ATP6V1E1: variants seen among roughly 807,000 people sequenced by gnomAD.
ATP6V1E1 encodes the protein V-type proton ATPase subunit E 1.
ATP6V1E1 carries 21 observed loss-of-function variants against 35.2 expected under a neutral mutation model. That is an observed-to-expected ratio of 0.60 (90% CI 0.42 to 0.86). The LOEUF (loss-of-function observed/expected upper bound fraction) is 0.86, where lower values mean the gene tolerates loss of function less well. Ranked by LOEUF, ATP6V1E1 falls within the 40% of genes least tolerant of loss-of-function variation. ATP6V1E1 has a pLI of 0.00. For synonymous variants in ATP6V1E1, 83 were observed against 87.8 expected (o/e 0.95, Z 0.30); for missense variants, 183 against 272.6 (o/e 0.67, Z 2.32).
chr22:17,598,049 C>T (rs1016619586), intron 7 of ATP6V1E1, 145 bp downstream of exon 7: 45 of 655,260 alleles, frequency 6.9e-5, no homozygotes, highest in African/African-American at 2.4e-4. Flanking sequence ...ACAACAGGAA[C>T]GGCTGCAAGT....
At chr22:17,600,394 G>C (rs183981371) in intron 5 of ATP6V1E1, among the ~76,000 whole-genome samples, 72 of 152,194 alleles carry the variant, frequency 4.7e-4, no homozygotes, top group African/African-American at 1.7e-3. Flanking sequence ...CAGAGATGAT[G>C]TCAATGCACT....
intron 1 of ATP6V1E1, among the ~76,000 whole-genome samples, chr22:17,627,356 T>C (rs1361565740): frequency 1.3e-5 from 2 of 151,120 alleles, no homozygotes. Flanking sequence ...CTCGAACTCC[T>C]GACCTCAGGT....
At position 17,592,800 on chromosome 22, in the gene ATP6V1E1, C is replaced by CTTTT. The variant is rs150344720; in HGVS notation, c.619-68_619-65dup. The CTTTT allele has an allele frequency of 3.8e-3, 2,772 of 720,404 alleles. 84 individuals are homozygous for CTTTT. The African/African-American group carries it at 0.054, about 14-fold the overall frequency. 44.6% of individuals were successfully genotyped at this position (720,404 alleles called of 1,614,324 possible). A position where few individuals can be genotyped will look rare whatever the true frequency, so the allele number is the denominator to read the frequency against. On this transcript the variant is annotated intron_variant, in intron 8 of 8. Transcript: ENST00000253413. ...GAAGAAGTTGTAGAGCGCTGCACAT[C>CTTTT]TTTTTTTTTTTTTTTTTTTTGAGAC...
rs2057708163 is a variant in ATP6V1E1 at position 17,592,521 on chromosome 22, C to T, written c.*153G>A. 33 of 778,802 alleles carry T rather than the reference C, an allele frequency of 4.2e-5. No homozygotes were observed. The South Asian group carries it at 5.0e-4, about 12-fold the overall frequency. 48.2% of individuals were successfully genotyped at this position (778,802 alleles called of 1,614,324 possible). On this transcript the variant is annotated 3_prime_UTR_variant, in exon 9 of 9. Transcript: ENST00000253413. ...CTTTCCACCATTGTGAACAATTAGG[C>T]AAGGCATGAGTGACAGAGGGGCATC... is the stretch of plus-strand genomic sequence containing the variant.
rs781108918 is a variant in ATP6V1E1, at chr22:17,598,228, G to T, written c.496C>A (p.Gln166Lys). The T allele has an allele frequency of 6.2e-7, 1 of 1,613,988 alleles. No homozygotes were observed. Among genetic ancestry groups the T allele is most frequent in the South Asian group, 1.1e-5 (1 of 91,076 alleles). Residue 166 changes from glutamine to lysine, a missense_variant, in exon 7 of 9, where the codon CAA becomes AAA. Physicochemically the swap from Gln to Lys is moderately conservative, Grantham distance 53 (BLOSUM62 1). Coordinates refer to ENST00000253413, the MANE Select transcript of ATP6V1E1 (RefSeq NM_001696.4). ...KIATKNDVDV[Q>K]IDQESYLPED... is the part of the protein sequence containing the mutation. ...GGCAGGTAGGACTCCTGGTCAATTT[G>T]GACATCAACATCGTTTTTGGTGGCA...
At chr22:17,598,841 G>T (rs1380463376) in intron 6 of ATP6V1E1, among the ~76,000 whole-genome samples, 1 of 152,206 alleles carries the variant, frequency 6.6e-6, no homozygotes, top group Non-Finnish European at 1.5e-5. Context: ...CAAACGGATA[G>T]AAAGCAGGAC....
chr22:17,626,325 A>AAAAAAAG (rs1555864859), intron 1 of ATP6V1E1, among the ~76,000 whole-genome samples: 85 of 122,912 alleles, frequency 6.9e-4, no homozygotes, highest in African/African-American at 8.3e-4. Flanking sequence ...AAAAAAAAAA[A>AAAAAAAG]AAAGAAAGAA....
At chr22:17,609,464 CTTTTTTTTTTTT>C (rs61116267) in intron 4 of ATP6V1E1, among the ~76,000 whole-genome samples, 1 of 90,710 alleles carries the variant, frequency 1.1e-5, no homozygotes, top group Non-Finnish European at 2.1e-5. Context: ...CCATCCTGCT[CTTTTTTTTTTTT>C]TTTTTTTTTT....
At chr22:17,611,704 A>T (rs2057816295) in intron 4 of ATP6V1E1, among the ~76,000 whole-genome samples, 2 of 152,234 alleles carry the variant, frequency 1.3e-5, no homozygotes, top group South Asian at 4.1e-4. Flanking sequence ...CCTGATACTC[A>T]GAATTTAGTG....
intron 7 of ATP6V1E1, among the ~76,000 whole-genome samples, chr22:17,596,296 C>A (rs1355246059): frequency 6.6e-6 from 1 of 152,026 alleles, no homozygotes; most frequent in Non-Finnish European, 1.5e-5. Flanking sequence ...GGAGGTGGAG[C>A]ATAGTAGGAG....
intron 4 of ATP6V1E1, among the ~76,000 whole-genome samples, chr22:17,602,698 T>C (rs372935104): frequency 1.3e-5 from 2 of 152,088 alleles, no homozygotes; most frequent in Admixed American, 6.6e-5. Flanking sequence ...AAGCTCCAAA[T>C]GCAAAGATTC....
At chr22:17,627,694 G>A in intron 1 of ATP6V1E1, among the ~76,000 whole-genome samples, 1 of 150,562 alleles carries the variant, frequency 6.6e-6, no homozygotes, top group South Asian at 2.1e-4. Flanking sequence ...TGGGGCGCGA[G>A]TCTGTAATCC....
chr22:17,613,722 C>T (rs1417783810), intron 2 of ATP6V1E1, among the ~76,000 whole-genome samples: 1 of 151,926 alleles, frequency 6.6e-6, no homozygotes, highest in Non-Finnish European at 1.5e-5. Flanking sequence ...AATCCCAATA[C>T]TTTGGGAGGC....
At chr22:17,619,431 A>G (rs753090657) in intron 2 of ATP6V1E1, 30 bp downstream of exon 2, 4 of 1,567,116 alleles carry the variant, frequency 2.6e-6, no homozygotes, top group Middle Eastern at 3.5e-4. Flanking sequence ...AAACCTTGAT[A>G]ACTTCTTAAA....
In ATP6V1E1 at chr22:17,594,815, T is replaced by C. The variant is rs185138967; in HGVS notation, c.531-199A>G. ...CAGGAAACCCCAGTCCCCGCCTAGA[T>C]GTCCATTATATGAAACAGCGTAGTA... On this transcript the variant is annotated intron_variant, in intron 7 of 8. Transcript: ENST00000253413. The C allele has an allele frequency of 2.5e-4, 103 of 414,476 alleles. No homozygotes were observed. In the East Asian group the frequency reaches 3.7e-3, roughly 15 times the overall value. The allele number at this position is 414,476 out of a possible 1,614,324, so 25.7% of individuals were successfully genotyped here.
At chr22:17,592,820 T>G in intron 8 of ATP6V1E1, 84 bp from the exon 9 acceptor site, 2 of 1,025,890 alleles carry the variant, frequency 1.9e-6, no homozygotes, top group Non-Finnish European at 2.9e-6. Context: ...TTTTTTTTTT[T>G]GAGACGGAGT....
At chr22:17,627,833 G>A (rs1240216166) in intron 1 of ATP6V1E1, among the ~76,000 whole-genome samples, 13 of 128,936 alleles carry the variant, frequency 1.0e-4, no homozygotes, top group East Asian at 2.2e-4. Flanking sequence ...AAAAAAAAAA[G>A]AAAAAAAGAA....
chr22:17,599,629 G>A (rs1322807530), intron 6 of ATP6V1E1, among the ~76,000 whole-genome samples: 1 of 145,738 alleles, frequency 6.9e-6, no homozygotes, highest in African/African-American at 2.5e-5. Flanking sequence ...GATAGAAGTG[G>A]GTTTTTACGG....
chr22:17,612,564 T>C (rs1461985544), intron 4 of ATP6V1E1: 1 of 394,728 alleles, frequency 2.5e-6, no homozygotes, highest in Non-Finnish European at 4.6e-6. Flanking sequence ...TGTACCCTCA[T>C]GTACTACTGT....
Sources: gnomAD v4.1 joint callset for allele counts (sites outside exome capture counted in the v4.1 genomes callset) on GRCh38, gnomAD v4.1.1 for gene constraint, MANE v1.5 for transcripts, NCBI Gene and HGNC (gene_info 2026-07-23, HGNC 2026-07-21) for gene names.